Variants in DGKB observed in about 807,000 individuals in gnomAD.
DGKB encodes the protein 90 kDa diacylglycerol kinase.
A neutral mutation model predicts 114.3 loss-of-function variants in DGKB; 67 were observed. That is an observed-to-expected ratio of 0.59 (90% CI 0.48 to 0.72). The LOEUF (loss-of-function observed/expected upper bound fraction) is 0.72. DGKB is among the 30% of genes least tolerant of loss of function. DGKB has a pLI of 0.00. For synonymous variants in DGKB, 398 were observed against 323.1 expected, an observed-to-expected ratio of 1.23 and a Z score of -2.49; for missense variants, 907 against 975.2, an observed-to-expected ratio of 0.93 and a Z score of 0.93.
At chr7:14,332,703 T>C (rs943299927) in intron 23 of DGKB, among the ~76,000 whole-genome samples, 1 of 152,178 alleles carries the variant, frequency 6.6e-6, no homozygotes, top group Non-Finnish European at 1.5e-5. Context: ...ATTAAACTTT[T>C]AAAACATTCA....
intron 20 of DGKB, among the ~76,000 whole-genome samples, chr7:14,505,934 C>T (rs1035327438): frequency 2.0e-5 from 3 of 152,076 alleles, no homozygotes; most frequent in African/African-American, 7.2e-5. Context: ...AAAATGTTCT[C>T]ATTTTTATTC....
intron 13 of DGKB, among the ~76,000 whole-genome samples, chr7:14,671,616 G>C (rs1336142886): frequency 6.6e-6 from 1 of 152,114 alleles, no homozygotes; most frequent in Non-Finnish European, 1.5e-5. Flanking sequence ...TATAACTAGA[G>C]GTTGACATAA....
At chr7:14,558,373 T>C (rs999955133) in intron 20 of DGKB, among the ~76,000 whole-genome samples, 5 of 152,076 alleles carry the variant, frequency 3.3e-5, no homozygotes, top group Admixed American at 6.6e-5. Context: ...TAGAATTGTA[T>C]ATTTCCTGTA....
At chr7:14,967,345 G>T (rs1196646410) in intron 1 of DGKB, among the ~76,000 whole-genome samples, 1 of 150,928 alleles carries the variant, frequency 6.6e-6, no homozygotes, top group Non-Finnish European at 1.5e-5. Flanking sequence ...ATTTTTTTGA[G>T]ATGCAGTCTC....
chr7:14,165,891 C>G (rs993548), intron 25 of DGKB, among the ~76,000 whole-genome samples: 61,930 of 152,020 alleles, frequency 0.41, 12,678 homozygotes, highest in South Asian at 0.53. Context: ...TACACCTGTG[C>G]TCCTTTATTC....
chr7:14,610,082 C>T (rs1805248580), intron 16 of DGKB, among the ~76,000 whole-genome samples: 2 of 151,926 alleles, frequency 1.3e-5, no homozygotes, highest in Admixed American at 6.6e-5. Context: ...TATTTGCATC[C>T]CTGCTGTATT....
intron 20 of DGKB, among the ~76,000 whole-genome samples, chr7:14,511,191 A>G (rs942627374): frequency 1.3e-5 from 2 of 152,220 alleles, no homozygotes; most frequent in East Asian, 1.9e-4. Context: ...TCTAGCCATG[A>G]AAGTCCTAGA....
At chr7:14,391,497 G>T (rs1047408731) in intron 21 of DGKB, among the ~76,000 whole-genome samples, 2 of 149,782 alleles carry the variant, frequency 1.3e-5, no homozygotes, top group African/African-American at 5.0e-5. Flanking sequence ...AAGCAACATG[G>T]CCGGTCTACA....
At chr7:14,957,143 T>A (rs1217474211) in intron 1 of DGKB, among the ~76,000 whole-genome samples, 8 of 151,752 alleles carry the variant, frequency 5.3e-5, no homozygotes, top group Non-Finnish European at 1.2e-4. Flanking sequence ...CCAGTTTTTT[T>A]AAAAAAAGGG....
chr7:14,972,155 A>G lies in DGKB; in HGVS notation c.-188+2541T>C, dbSNP rs560157931. Among the ~76,000 whole-genome samples the G allele has an allele frequency of 1.3e-3, 198 of 152,300 alleles. 3 individuals are homozygous for G. The highest frequency in any genetic ancestry group is 4.6e-3 in the African/African-American group (192 of 41,582). On this transcript the variant is annotated intron_variant, in intron 1 of 4. Transcript: ENST00000437998. Reference sequence around the variant, plus strand: ...AAAAAAATTAGAGTCTGGAATGTCTATTTTATTCACAAGTGCCATTTTCAC... The same window carrying G: ...AAAAAAATTAGAGTCTGGAATGTCTGTTTTATTCACAAGTGCCATTTTCAC...
At chr7:14,653,683 A>G (rs190164838) in intron 13 of DGKB, among the ~76,000 whole-genome samples, 15 of 152,162 alleles carry the variant, frequency 9.9e-5, no homozygotes, top group Non-Finnish European at 1.8e-4. Context: ...ATTCACCATG[A>G]TCAAGTAGGA....
intron 21 of DGKB, among the ~76,000 whole-genome samples, chr7:14,392,924 T>G (rs1353214549): frequency 6.6e-6 from 1 of 150,796 alleles, no homozygotes; most frequent in Admixed American, 6.6e-5. Context: ...CTGTGCTACA[T>G]CAAAAGCATT....
chr7:14,570,507 G>T (rs1798227548), intron 20 of DGKB, among the ~76,000 whole-genome samples: 1 of 151,996 alleles, frequency 6.6e-6, no homozygotes, highest in Non-Finnish European at 1.5e-5. Flanking sequence ...CTCTACTGTT[G>T]ACTGGAAGCC....
intron 1 of DGKB, among the ~76,000 whole-genome samples, chr7:14,935,641 T>C (rs2128252515): frequency 6.6e-6 from 1 of 152,268 alleles, no homozygotes; most frequent in African/African-American, 2.4e-5. Flanking sequence ...ACATGCAGAA[T>C]ACTACTTCTG....
intron 20 of DGKB, among the ~76,000 whole-genome samples, chr7:14,555,701 T>C (rs1795770997): frequency 6.6e-6 from 1 of 152,042 alleles, no homozygotes; most frequent in Admixed American, 6.6e-5. Flanking sequence ...AAGATACAGG[T>C]CATAAAGACC....
rs151038833 is a variant in DGKB, at chr7:14,479,894, T to G, written c.1771-1669A>C. Among the ~76,000 whole-genome samples, 643 of 152,166 alleles carry G rather than the reference T, an allele frequency of 4.2e-3. 1 individual carries two copies. The highest frequency in any genetic ancestry group is 6.8e-3 in the Middle Eastern group (2 of 294). ...TAAAGGCATACATTCAGCAGACTAG[T>G]TAAACAAAGCAAAGGAATATGAATC... On this transcript the variant is annotated intron_variant, in intron 20 of 25. Coordinates refer to ENST00000402815, the MANE Select transcript of DGKB (RefSeq NM_001350709.2).
intron 23 of DGKB, among the ~76,000 whole-genome samples, chr7:14,223,297 C>A (rs989013304): frequency 2.0e-5 from 3 of 151,560 alleles, no homozygotes; most frequent in Non-Finnish European, 4.4e-5. Context: ...TCTTAAGCAA[C>A]CTTAGTGGTG....
intron 21 of DGKB, among the ~76,000 whole-genome samples, chr7:14,394,242 C>T (rs77461077): frequency 0.013 from 2,030 of 152,218 alleles, 48 homozygotes; most frequent in African/African-American, 0.046. Flanking sequence ...TTTATCTGTA[C>T]CAAAGCATCG....
chr7:14,247,377 A>T (rs1008313625), intron 23 of DGKB, among the ~76,000 whole-genome samples: 2 of 152,140 alleles, frequency 1.3e-5, no homozygotes, highest in Non-Finnish European at 2.9e-5. Flanking sequence ...CAGCATTTAG[A>T]TTGCTGGATC....
Sources: allele counts gnomAD v4.1 joint callset (sites outside exome capture counted in the v4.1 genomes callset), GRCh38; gene constraint gnomAD v4.1.1; transcripts MANE v1.5; gene names NCBI Gene and HGNC (gene_info 2026-07-23, HGNC 2026-07-21).